B3GALNT1: variants seen among roughly 807,000 people sequenced by gnomAD.
B3GALNT1 encodes the protein beta-1,3-N-acetylgalactosaminyltransferase 1 (Globoside blood group), also known as UDP-GalNAc:beta-1,3-N-acetylgalactosaminyltransferase 1.
Under a neutral mutation model 27.3 loss-of-function variants are expected in B3GALNT1, and 17 were observed. The ratio of observed to expected loss-of-function variants is 0.62; its 90% CI spans 0.43 to 0.94. The LOEUF is 0.94. B3GALNT1 is among the 40% of genes least tolerant of loss of function. The pLI, the probability that B3GALNT1 is intolerant of heterozygous loss-of-function variation, is 0.00. For synonymous variants in B3GALNT1, 141 were observed against 144.0 expected, an observed-to-expected ratio of 0.98 and a Z score of 0.15; for missense variants, 347 against 390.0, an observed-to-expected ratio of 0.89 and a Z score of 0.93.
chr3:161,092,909 C>G (rs1399373095), intron 4 of B3GALNT1, among the ~76,000 whole-genome samples: 1 of 151,806 alleles, frequency 6.6e-6, no homozygotes, highest in African/African-American at 2.4e-5. Flanking sequence ...ACAGGTGCTC[C>G]ACCACGCCCG....
intron 4 of B3GALNT1, among the ~76,000 whole-genome samples, chr3:161,097,643 C>T (rs545173349): frequency 1.2e-4 from 18 of 152,294 alleles, no homozygotes; most frequent in Admixed American, 2.0e-4. Flanking sequence ...TGCACATGTG[C>T]TCCCCTCTCC....
chr3:161,089,293 T>A (rs930072805), intron 4 of B3GALNT1, among the ~76,000 whole-genome samples: 1 of 152,186 alleles, frequency 6.6e-6, no homozygotes, highest in Admixed American at 6.5e-5. Context: ...CTTGGCATCA[T>A]TTCCATTCTA....
Position 161,085,446 on chromosome 3 carries a change from G to C in B3GALNT1, c.*313C>G. ...TTGTTTTGTTTTTACAGCCTAGTGA[G>C]CTTATAACTCAGTAACACCCTTTTA... On this transcript the variant is annotated 3_prime_UTR_variant, in exon 5 of 5. Transcript: ENST00000320474. The C allele has an allele frequency of 2.8e-6, 1 of 353,338 alleles. No homozygotes were observed. The highest frequency in any genetic ancestry group is 5.2e-6 in the Non-Finnish European group (1 of 190,608). 21.9% of individuals were successfully genotyped at this position (353,338 alleles called of 1,614,324 possible).
At chr3:161,101,841 C>T (rs1731459798) in intron 3 of B3GALNT1, among the ~76,000 whole-genome samples, 1 of 152,164 alleles carries the variant, frequency 6.6e-6, no homozygotes, top group African/African-American at 2.4e-5. Flanking sequence ...GTGCGTAACT[C>T]CATTCTCAAC....
At chr3:161,098,347 G>A (rs910955506) in intron 4 of B3GALNT1, among the ~76,000 whole-genome samples, 3 of 152,214 alleles carry the variant, frequency 2.0e-5, no homozygotes, top group Admixed American at 2.0e-4. Flanking sequence ...TATCCTATTG[G>A]CCTGGTATCT....
intron 4 of B3GALNT1, among the ~76,000 whole-genome samples, chr3:161,097,690 C>A (rs1728934925): frequency 6.6e-6 from 1 of 152,192 alleles, no homozygotes; most frequent in Non-Finnish European, 1.5e-5. Context: ...CTTTCTACAA[C>A]TGAACATCAT....
chr3:161,104,225 G>A, intron 2 of B3GALNT1, 94 bp downstream of exon 2: 1 of 985,150 alleles, frequency 1.0e-6, no homozygotes, highest in Non-Finnish European at 1.4e-6. Flanking sequence ...CATACTAAGA[G>A]CACAAATTCA....
At position 161,085,495 on chromosome 3, in the gene B3GALNT1, C is replaced by G. The variant is rs1384711512; in HGVS notation, c.*264G>C. The stretch of plus-strand genomic sequence containing the variant: ...TAAGAAATTCTAGTCTACAGAATGA[C>G]ATGTCCAAATTGTTTGGTCCTATTA... On this transcript the variant is annotated 3_prime_UTR_variant, in exon 5 of 5. Coordinates refer to ENST00000320474, the MANE Select transcript of B3GALNT1 (RefSeq NM_003781.4). 1 of 470,724 alleles carries G rather than the reference C, an allele frequency of 2.1e-6. No individual in the cohort carries two copies. The highest frequency in any genetic ancestry group is 3.8e-6 in the Non-Finnish European group (1 of 262,216). The allele number at this position is 470,724 out of a possible 1,614,324, so 29.2% of individuals were successfully genotyped here.
At chr3:161,097,521 G>T (rs1334312780) in intron 4 of B3GALNT1, among the ~76,000 whole-genome samples, 1 of 152,098 alleles carries the variant, frequency 6.6e-6, no homozygotes, top group Non-Finnish European at 1.5e-5. Flanking sequence ...CAAGGTTTCT[G>T]TTTTCCTAGA....
At chr3:161,097,409 G>A (rs1031894410) in intron 4 of B3GALNT1, among the ~76,000 whole-genome samples, 1 of 152,110 alleles carries the variant, frequency 6.6e-6, no homozygotes, top group Non-Finnish European at 1.5e-5. Context: ...TCCCAAATGT[G>A]TCTTACATGG....
intron 4 of B3GALNT1, among the ~76,000 whole-genome samples, chr3:161,090,848 G>A (rs184746124): frequency 3.8e-4 from 58 of 152,236 alleles, no homozygotes; most frequent in Admixed American, 3.3e-3. Context: ...TCTCTTACTT[G>A]AAAATTACTG....
At chr3:161,089,324 TCTTA>T (rs34657865) in intron 4 of B3GALNT1, among the ~76,000 whole-genome samples, 4,147 of 152,310 alleles carry the variant, frequency 0.027, 199 homozygotes, top group African/African-American at 0.094. Flanking sequence ...CTAAAATGAT[TCTTA>T]CTGTCAAAAT....
Position 161,103,509 on chromosome 3 carries a change from T to C in B3GALNT1, c.-212A>G. On this transcript the variant is annotated 5_prime_UTR_variant, in exon 3 of 5. Transcript: ENST00000320474. ...GCTTAATTAAAACACTCAGATCTGT[T>C]GTGAACTACTGAACAGAAGAACAGA... The C allele has an allele frequency of 1.6e-6, 2 of 1,257,096 alleles. No individual in the cohort carries two copies. The highest frequency in any genetic ancestry group is 2.1e-6 in the Non-Finnish European group (2 of 963,036). The allele number at this position is 1,257,096 out of a possible 1,614,324, so 77.9% of individuals were successfully genotyped here.
chr3:161,089,020 C>A (rs34026173), intron 4 of B3GALNT1, among the ~76,000 whole-genome samples: 1 of 152,094 alleles, frequency 6.6e-6, no homozygotes, highest in African/African-American at 2.4e-5. Flanking sequence ...AAGCAAGGAA[C>A]GGACTCTAAA....
chr3:161,089,986 T>C, intron 4 of B3GALNT1: 1 of 251,312 alleles, frequency 4.0e-6, no homozygotes, highest in Non-Finnish European at 8.9e-6. Context: ...GGAGAACTGC[T>C]TAAACCTGAG....
chr3:161,086,885 C>G, intron 4 of B3GALNT1, 97 bp from the exon 5 acceptor site: 1 of 1,296,760 alleles, frequency 7.7e-7, no homozygotes, highest in South Asian at 1.3e-5. Flanking sequence ...AGTAGGAGAA[C>G]AGAATCTCCA....
At chr3:161,103,376 G>A (rs762979783) in intron 3 of B3GALNT1, 51 bp downstream of exon 3, 30 of 874,788 alleles carry the variant, frequency 3.4e-5, no homozygotes, top group Non-Finnish European at 4.8e-5. Context: ...ATTATTATGG[G>A]CATTTTTAAC....
chr3:161,101,397 A>G (rs1357038211), intron 3 of B3GALNT1, among the ~76,000 whole-genome samples, 164 bp from the exon 4 acceptor site: 2 of 152,302 alleles, frequency 1.3e-5, no homozygotes, highest in African/African-American at 4.8e-5. Context: ...CCCTAAATTG[A>G]GAATATTACA....
chr3:161,094,819 C>T (rs995984084), intron 4 of B3GALNT1, among the ~76,000 whole-genome samples: 3 of 152,272 alleles, frequency 2.0e-5, no homozygotes, highest in Admixed American at 2.0e-4. Context: ...GCCAGGACCA[C>T]AGGCATTTGC....
Sources: gnomAD v4.1 joint callset for allele counts (sites outside exome capture counted in the v4.1 genomes callset) on GRCh38, gnomAD v4.1.1 for gene constraint, MANE v1.5 for transcripts, NCBI Gene and HGNC (gene_info 2026-07-23, HGNC 2026-07-21) for gene names.